The following DHRSX variants were observed in gnomAD, a reference collection of about 807,000 sequenced individuals.
The protein encoded by DHRSX is dehydrogenase/reductase X-linked.
In DHRSX, 31 loss-of-function variants were observed where a neutral mutation model predicts 34.0. That is an observed-to-expected ratio of 0.91 (90% CI 0.69 to 1.23). The LOEUF (loss-of-function observed/expected upper bound fraction) is 1.23, where lower values mean the gene tolerates loss of function less well. DHRSX is among the 50% of genes most tolerant of loss of function. DHRSX has a pLI of 0.00. For synonymous variants in DHRSX, 201 were observed against 183.8 expected (o/e 1.09, Z -0.76); for missense variants, 414 against 428.1 (o/e 0.97, Z 0.29).
chrX:2,313,616 C>G (rs1191433877), intron 3 of DHRSX, among the ~76,000 whole-genome samples: 1 of 152,104 alleles, frequency 6.6e-6, no homozygotes, highest in African/African-American at 2.4e-5. Flanking sequence ...ATCTGCCCAC[C>G]TCGGCCTCCC....
At chrX:2,480,721 T>C (rs866937883) in intron 1 of DHRSX, among the ~76,000 whole-genome samples, 2 of 151,824 alleles carry the variant, frequency 1.3e-5, no homozygotes, top group African/African-American at 4.8e-5. Flanking sequence ...TGGGAGGCTG[T>C]GGTGGGAGGG....
At chrX:2,463,027 C>A (rs1010589848) in intron 1 of DHRSX, among the ~76,000 whole-genome samples, 44 of 152,078 alleles carry the variant, frequency 2.9e-4, no homozygotes, top group African/African-American at 9.7e-4. Flanking sequence ...AGCTCCCTCG[C>A]CCTTTCCACC....
At chrX:2,256,184 G>A (rs1427890936) in intron 5 of DHRSX, among the ~76,000 whole-genome samples, 3 of 150,630 alleles carry the variant, frequency 2.0e-5, no homozygotes, top group African/African-American at 4.9e-5. Flanking sequence ...TAGTAGAGAC[G>A]GGGTTTCACC....
chrX:2,370,664 A>G (rs57070520), intron 3 of DHRSX, among the ~76,000 whole-genome samples: 24,372 of 151,116 alleles, frequency 0.16, 2,065 homozygotes, highest in Middle Eastern at 0.26. Context: ...AAGGCTGGCC[A>G]CATCCTCCAA....
chrX:2,482,295 A>AT (rs1207240865), intron 1 of DHRSX, among the ~76,000 whole-genome samples: 2 of 151,776 alleles, frequency 1.3e-5, no homozygotes, highest in Admixed American at 1.3e-4. Flanking sequence ...TGTCCAGCTA[A>AT]TTTTTTTATT....
intron 2 of DHRSX, among the ~76,000 whole-genome samples, chrX:2,419,332 C>T (rs1032281178): frequency 6.6e-6 from 1 of 152,144 alleles, no homozygotes; most frequent in Non-Finnish European, 1.5e-5. Flanking sequence ...ACCACACTGA[C>T]CCCCTGGTCT....
chrX:2,284,518 G>C (rs2041781348), intron 4 of DHRSX, among the ~76,000 whole-genome samples: 1 of 152,184 alleles, frequency 6.6e-6, no homozygotes, highest in African/African-American at 2.4e-5. Flanking sequence ...GGGTCACCCT[G>C]TATCGTGGAC....
intron 3 of DHRSX, among the ~76,000 whole-genome samples, chrX:2,352,570 G>A (rs907229273): frequency 6.6e-6 from 1 of 152,244 alleles, no homozygotes; most frequent in Non-Finnish European, 1.5e-5. Context: ...AACGCACAGT[G>A]TTACAGATCA....
At chrX:2,271,117 CACTACCTGTATGAGCTGTAAG>C (rs1273662217) in intron 4 of DHRSX, among the ~76,000 whole-genome samples, 1 of 152,248 alleles carries the variant, frequency 6.6e-6, no homozygotes, top group African/African-American at 2.4e-5. Flanking sequence ...TTTGGGTCTA[CACTACCTGTATGAGCTGTAAG>C]ACTCACTGCC....
At chrX:2,395,890 T>TA (rs2043403357) in intron 3 of DHRSX, among the ~76,000 whole-genome samples, 1 of 152,088 alleles carries the variant, frequency 6.6e-6, no homozygotes, top group South Asian at 2.1e-4. Context: ...TCCTGCCCGA[T>TA]CTATGTCTCT....
At chrX:2,222,708 C>A (rs1464223801) in intron 6 of DHRSX, among the ~76,000 whole-genome samples, 1 of 152,206 alleles carries the variant, frequency 6.6e-6, no homozygotes, top group African/African-American at 2.4e-5. Context: ...CAAAACCTAG[C>A]ACTGGTGAGA....
At chrX:2,472,069 C>T (rs1038915919) in intron 1 of DHRSX, among the ~76,000 whole-genome samples, 11 of 149,194 alleles carry the variant, frequency 7.4e-5, no homozygotes, top group Non-Finnish European at 1.3e-4. Flanking sequence ...TGCTTGAACC[C>T]GGGAGCTGGT....
At chrX:2,446,697 T>A (rs985003327) in intron 1 of DHRSX, among the ~76,000 whole-genome samples, 17 of 151,624 alleles carry the variant, frequency 1.1e-4, no homozygotes, top group Non-Finnish European at 2.1e-4. Context: ...CACCGCCATG[T>A]ACTCACTGAA....
At chrX:2,412,637 T>A (rs1333340195) in intron 2 of DHRSX, among the ~76,000 whole-genome samples, 1 of 151,974 alleles carries the variant, frequency 6.6e-6, no homozygotes, top group Non-Finnish European at 1.5e-5. Context: ...TACACCCCCA[T>A]GTTCGTTGCA....
At position 2,266,956 on chromosome X, in the gene DHRSX, AAG is replaced by A; in HGVS notation, c.389-11_389-10del. On this transcript the variant is annotated splice_polypyrimidine_tract_variant and intron_variant, in intron 4 of 6. Coordinates refer to ENST00000334651, the MANE Select transcript of DHRSX (RefSeq NM_145177.3). ...GACCATCATCACCCCAGCTGGACAA[AAG>A]AGAATATCAGAAGGAGTTAGACTGG... The A allele has an allele frequency of 1.9e-6, 3 of 1,613,770 alleles. No homozygotes were observed. The South Asian group carries it at 3.3e-5, about 18-fold the overall frequency.
chrX:2,367,454 G>GAAAAAAA (rs763133691), intron 3 of DHRSX, among the ~76,000 whole-genome samples: 2 of 123,022 alleles, frequency 1.6e-5, no homozygotes, highest in Admixed American at 8.1e-5. Context: ...AAAGAAAAAA[G>GAAAAAAA]AAAAAAAAAA....
At chrX:2,391,164 G>A (rs2043331308) in intron 3 of DHRSX, among the ~76,000 whole-genome samples, 1 of 152,168 alleles carries the variant, frequency 6.6e-6, no homozygotes, top group African/African-American at 2.4e-5. Flanking sequence ...ATTCTTTGAG[G>A]TATATACCCA....
chrX:2,276,069 C>A (rs934685904), intron 4 of DHRSX, among the ~76,000 whole-genome samples: 1 of 152,176 alleles, frequency 6.6e-6, no homozygotes, highest in African/African-American at 2.4e-5. Flanking sequence ...GTCTCGAACT[C>A]CTGACCTCGT....
intron 6 of DHRSX, among the ~76,000 whole-genome samples, chrX:2,237,804 G>A (rs73626179): frequency 0.027 from 4,137 of 152,050 alleles, 210 homozygotes; most frequent in African/African-American, 0.094. Context: ...ACTCCCAGCC[G>A]ATAGCTCTTT....
Sources: allele counts gnomAD v4.1 joint callset (sites outside exome capture counted in the v4.1 genomes callset), GRCh38; gene constraint gnomAD v4.1.1; transcripts MANE v1.5; gene names NCBI Gene and HGNC (gene_info 2026-07-23, HGNC 2026-07-21).